TAF1B: variants seen among roughly 807,000 people sequenced by gnomAD.
TAF1B encodes the protein TATA-box binding protein associated factor, RNA polymerase I subunit B.
A neutral mutation model predicts 83.9 loss-of-function variants in TAF1B; 61 were observed. That is an observed-to-expected ratio of 0.73 (90% CI 0.59 to 0.90). The LOEUF is 0.90. Ranked by LOEUF, TAF1B falls within the 40% of genes least tolerant of loss-of-function variation. The pLI is 0.00. For missense variants in TAF1B, 625 were observed against 677.0 expected (o/e 0.92, Z 0.85); for synonymous variants, 221 against 224.6 (o/e 0.98, Z 0.14).
At chr2:9,903,500 C>T (rs948663859) in intron 8 of TAF1B, among the ~76,000 whole-genome samples, 1 of 152,090 alleles carries the variant, frequency 6.6e-6, no homozygotes, top group African/African-American at 2.4e-5. Flanking sequence ...CAAAAAACTT[C>T]GAGTTCTTAA....
At chr2:9,844,068 G>A (rs942403821) in intron 1 of TAF1B, among the ~76,000 whole-genome samples, 1 of 152,146 alleles carries the variant, frequency 6.6e-6, no homozygotes, top group African/African-American at 2.4e-5. Context: ...TGTTAGTACG[G>A]GGTCACTGAA....
At chr2:9,890,770 C>G (rs146678214) in intron 8 of TAF1B, among the ~76,000 whole-genome samples, 244 of 152,140 alleles carry the variant, frequency 1.6e-3, no homozygotes, top group African/African-American at 5.7e-3. Context: ...AATTTACTCT[C>G]TTATTTTATT....
chr2:9,932,347 G>T (rs1002146318), intron 14 of TAF1B, among the ~76,000 whole-genome samples: 3 of 152,234 alleles, frequency 2.0e-5, no homozygotes, highest in African/African-American at 7.2e-5. Flanking sequence ...TACAGATGAG[G>T]TTTTGTTGTG....
chr2:9,899,688 AAT>A (rs1329897146), intron 8 of TAF1B, among the ~76,000 whole-genome samples: 10 of 141,918 alleles, frequency 7.0e-5, no homozygotes, highest in Non-Finnish European at 1.3e-4. Flanking sequence ...TTACAAAAGT[AAT>A]GTATTCAGAA....
chr2:9,901,752 T>C (rs1009853428), intron 8 of TAF1B, among the ~76,000 whole-genome samples: 32 of 152,110 alleles, frequency 2.1e-4, no homozygotes. Context: ...ATTAATTAAT[T>C]TTACAAATAA....
rs530015913 is a variant in TAF1B at position 9,908,267 on chromosome 2, G to C, written c.956-2469G>C. 9.9e-5 allele frequency among the ~76,000 whole-genome samples: 15 copies of C among 150,860 alleles called. No individual in the cohort carries two copies. The East Asian group carries it at 2.9e-3, about 29-fold the overall frequency. Reference sequence around the variant, plus strand: ...TCACTGTGTTAGCCAGGATGGTCTGGATCTCCTGACCTCAGGTGATCTGCC... The same window carrying C: ...TCACTGTGTTAGCCAGGATGGTCTGCATCTCCTGACCTCAGGTGATCTGCC... On this transcript the variant is annotated intron_variant, in intron 9 of 14. Transcript: ENST00000263663.
In TAF1B at chr2:9,845,167, A is replaced by G. The variant is rs2125132073; in HGVS notation, c.19-53A>G. On this transcript the variant is annotated intron_variant, in intron 1 of 14. Transcript: ENST00000263663. Reference sequence around the variant, plus strand: ...AATAGAACTGCAAGGTTTAGGTACGATGTATTGAATGTGGCTTGATGGGAA... The same window carrying G: ...AATAGAACTGCAAGGTTTAGGTACGGTGTATTGAATGTGGCTTGATGGGAA... The G allele has an allele frequency of 2.2e-6, 3 of 1,345,602 alleles. No homozygotes were observed. The South Asian group carries it at 3.5e-5, about 16-fold the overall frequency. The allele number at this position is 1,345,602 out of a possible 1,614,324, so 83.4% of individuals were successfully genotyped here.
At chr2:9,845,417 G>A in intron 2 of TAF1B, 99 bp downstream of exon 2, 1 of 926,550 alleles carries the variant, frequency 1.1e-6, no homozygotes. Flanking sequence ...GTTGATTTTT[G>A]TCACTCATGC....
In TAF1B at chr2:9,919,416, A is replaced by G. The variant is rs1820967; in HGVS notation, c.1343-182A>G. On this transcript the variant is annotated intron_variant, in intron 13 of 14. Transcript: ENST00000263663. The stretch of plus-strand genomic sequence containing the variant: ...TAGACTGTACATTCTTTTTGAAGTA[A>G]GGTTTCCCCCATGCACCTCATCCAG... Among the ~76,000 whole-genome samples, 78,369 of 152,058 alleles carry G rather than the reference A, an allele frequency of 0.52. 23,200 individuals are homozygous for G. Among genetic ancestry groups the G allele is most frequent in the Non-Finnish European group, 0.67 (45,867 of 67,974 alleles).
chr2:9,903,092 T>C (rs1035698114), intron 8 of TAF1B, among the ~76,000 whole-genome samples: 3 of 152,168 alleles, frequency 2.0e-5, no homozygotes, highest in Non-Finnish European at 2.9e-5. Flanking sequence ...TTTATTTTAT[T>C]TTATTTTATT....
At chr2:9,932,461 C>A (rs569216990) in intron 14 of TAF1B, among the ~76,000 whole-genome samples, 6 of 152,334 alleles carry the variant, frequency 3.9e-5, no homozygotes, top group African/African-American at 1.4e-4. Context: ...TGCTGGAAGT[C>A]CACTCCAGAC....
chr2:9,845,089 A>G (rs1156555701), intron 1 of TAF1B, 131 bp from the exon 2 acceptor site: 6 of 546,406 alleles, frequency 1.1e-5, no homozygotes, highest in East Asian at 3.2e-5. Context: ...TCTCTCTGAC[A>G]TATTTTTTAT....
intron 12 of TAF1B, 140 bp from the exon 13 acceptor site, chr2:9,918,901 G>C (rs1397362349): frequency 1.4e-6 from 1 of 712,186 alleles, no homozygotes; most frequent in African/African-American, 1.8e-5. Context: ...AAGTTCAATA[G>C]GCAATATAGA....
chr2:9,873,659 G>A (rs1357259729), intron 6 of TAF1B, among the ~76,000 whole-genome samples: 4 of 102,482 alleles, frequency 3.9e-5, no homozygotes, highest in African/African-American at 1.2e-4. Context: ...TCCTTGTCTT[G>A]GTAAATGGCA....
At chr2:9,846,993 A>T (rs752869523) in intron 2 of TAF1B, among the ~76,000 whole-genome samples, 3 of 152,204 alleles carry the variant, frequency 2.0e-5, no homozygotes, top group Non-Finnish European at 4.4e-5. Flanking sequence ...ATTATGTCTA[A>T]TGGAGTATTT....
At position 9,849,446 on chromosome 2, in the gene TAF1B, A is replaced by G; in HGVS notation, c.191A>G (p.Lys64Arg). The part of the protein sequence containing the change: ...QIKALNRGLK[K>R]KNNTEKGWDW... ...AAAGCCCTCAACCGGGGGCTTAAAAAAAAAAACAATACTGGTAAGTTCTTT... is the reference window on the plus strand; with the variant it reads ...AAAGCCCTCAACCGGGGGCTTAAAAGAAAAAACAATACTGGTAAGTTCTTT... Residue 64 changes from lysine (K) to arginine (R), a missense_variant, in exon 3 of 15, where the codon AAA becomes AGA. Lys to Arg is a conservative substitution (Grantham distance 26). Coordinates refer to ENST00000263663, the MANE Select transcript of TAF1B (RefSeq NM_005680.3). 1 of 1,566,258 alleles carries G rather than the reference A, an allele frequency of 6.4e-7. No individual in the cohort carries two copies. The highest frequency in any genetic ancestry group is 8.6e-7 in the Non-Finnish European group (1 of 1,159,510).
In TAF1B at chr2:9,917,933, G is replaced by A. The variant is rs546983402; in HGVS notation, c.1272-1108G>A. 3.2e-3 allele frequency among the ~76,000 whole-genome samples: 488 copies of A among 151,526 alleles called. 3 individuals carry two copies. Among genetic ancestry groups the A allele is most frequent in the African/African-American group, 0.011 (468 of 41,442 alleles). On this transcript the variant is annotated intron_variant, in intron 12 of 14. Coordinates refer to ENST00000263663, the MANE Select transcript of TAF1B (RefSeq NM_005680.3). ...TAAAAATACAAAAAATTAGCCGGGC[G>A]TAGTGGCGGGCGCCTGTAGTCCCAG...
chr2:9,870,836 T>G (rs533725605), intron 6 of TAF1B, among the ~76,000 whole-genome samples: 6 of 152,374 alleles, frequency 3.9e-5, no homozygotes, highest in African/African-American at 1.4e-4. Context: ...GATTACTTTT[T>G]CTGTATATCC....
intron 1 of TAF1B, 78 bp downstream of exon 1, chr2:9,843,637 C>T (rs528542618): frequency 2.1e-5 from 29 of 1,394,144 alleles, no homozygotes; most frequent in African/African-American, 3.0e-5. Flanking sequence ...CGGCGGAGGA[C>T]GCCGCGGGTT....
Sources: allele counts gnomAD v4.1 joint callset (sites outside exome capture counted in the v4.1 genomes callset), GRCh38; gene constraint gnomAD v4.1.1; transcripts MANE v1.5; gene names NCBI Gene and HGNC (gene_info 2026-07-23, HGNC 2026-07-21).